Variants in SQSTM1 observed in about 807,000 individuals in gnomAD.
SQSTM1 encodes sequestosome-1.
A neutral mutation model predicts 45.1 loss-of-function variants in SQSTM1; 36 were observed. The observed-to-expected ratio is 0.80, with a 90% confidence interval of 0.61 to 1.05. SQSTM1 has a LOEUF of 1.05. Among genes scored for constraint, SQSTM1 ranks in the 50% least tolerant of loss-of-function variants. The pLI is 0.00. For synonymous variants in SQSTM1, 290 were observed against 244.3 expected (o/e 1.19, Z -1.74); for missense variants, 617 against 607.1 (o/e 1.02, Z -0.17).
intron 2 of SQSTM1, chr5:179,823,532 T>C: frequency 1.1e-5 from 4 of 368,594 alleles, no homozygotes; most frequent in Non-Finnish European, 2.0e-5. Context: ...ATGTTCACTC[T>C]AGGGATGGGG....
At chr5:179,834,241 GGGTGGGGGGT>G (rs1758395015) in intron 7 of SQSTM1, among the ~76,000 whole-genome samples, 1 of 103,140 alleles carries the variant, frequency 9.7e-6, no homozygotes. Context: ...AGCAGTGGGG[GGGTGGGGGGT>G]GGGGACAGCT....
intron 5 of SQSTM1, among the ~76,000 whole-genome samples, chr5:179,829,998 T>C (rs1408249090): frequency 6.6e-6 from 1 of 152,100 alleles, no homozygotes; most frequent in African/African-American, 2.4e-5. Flanking sequence ...TGGCCCCAGC[T>C]ACGTGGGAGG....
intron 1 of SQSTM1, among the ~76,000 whole-genome samples, chr5:179,807,170 GCGGGCGGCGGGGGC>G (rs1267695083): frequency 2.0e-5 from 3 of 151,646 alleles, no homozygotes; most frequent in African/African-American, 7.3e-5. Flanking sequence ...GGGGCGGGGG[GCGGGCGGCGGGGGC>G]GGCGCTCCGG....
chr5:179,832,425 C>T (rs1205628195), intron 5 of SQSTM1, among the ~76,000 whole-genome samples: 1 of 152,252 alleles, frequency 6.6e-6, no homozygotes, highest in South Asian at 2.1e-4. Context: ...TACGCAGCGC[C>T]TGCACGGCCC....
rs769882808 is a variant in SQSTM1 at position 179,837,225 on chromosome 5, CTAAT to C, written c.*636_*639del. On this transcript the variant is annotated 3_prime_UTR_variant, in exon 8 of 8. Transcript: ENST00000389805. ...CCATCCTGTTAAATTTGTAAACAATCTAATTAAATGGCATCAGCACTTTAACCAA... is the reference window on the plus strand; with the variant it reads ...CCATCCTGTTAAATTTGTAAACAATCTAAATGGCATCAGCACTTTAACCAA... The C allele has an allele frequency of 1.9e-6, 3 of 1,590,640 alleles. No homozygotes were observed. The highest frequency in any genetic ancestry group is 1.1e-5 in the South Asian group (1 of 90,314).
At chr5:179,814,011 TGTCTATCGGG>T (rs1177333895), upstream of SQSTM1, among the ~76,000 whole-genome samples, 1 of 152,198 alleles carries the variant, frequency 6.6e-6, no homozygotes, top group Non-Finnish European at 1.5e-5. Flanking sequence ...CGAATAAAAA[TGTCTATCGGG>T]GTGGTGGCGT....
intron 5 of SQSTM1, among the ~76,000 whole-genome samples, chr5:179,831,424 G>T (rs1356891201): frequency 6.6e-6 from 1 of 152,172 alleles, no homozygotes; most frequent in Admixed American, 6.5e-5. Flanking sequence ...CACTTTGGGA[G>T]GCCAAGGCAG....
At position 179,836,710 on chromosome 5, in the gene SQSTM1, G is replaced by A; in HGVS notation, c.*117G>A. On this transcript the variant is annotated 3_prime_UTR_variant, in exon 8 of 8. Coordinates refer to ENST00000389805, the MANE Select transcript of SQSTM1 (RefSeq NM_003900.5). ...TCTCTGCCTTCTTCCAGGATCAGGGGTTAGGGTGCAAGAAGCCATTTAGGG... is the reference window on the plus strand; with the variant it reads ...TCTCTGCCTTCTTCCAGGATCAGGGATTAGGGTGCAAGAAGCCATTTAGGG... 1 of 1,524,026 alleles carries A rather than the reference G, an allele frequency of 6.6e-7. No individual in the cohort carries two copies. Among genetic ancestry groups the A allele is most frequent in the South Asian group, 1.1e-5 (1 of 89,360 alleles). The allele number at this position is 1,524,026 out of a possible 1,614,324, so 94.4% of individuals were successfully genotyped here. A position where few individuals can be genotyped will look rare whatever the true frequency, so the allele number is the denominator to read the frequency against.
upstream of SQSTM1, among the ~76,000 whole-genome samples, chr5:179,819,716 G>A (rs146675813): frequency 9.0e-3 from 1,376 of 152,254 alleles, 11 homozygotes; most frequent in Admixed American, 0.017. Context: ...CTCCACCGCC[G>A]GATGCAGGGA....
chr5:179,806,591 G>C lies in SQSTM1; in HGVS notation c.-157G>C. On this transcript the variant is annotated splice_region_variant and 5_prime_UTR_variant, in exon 1 of 6. Transcript: ENST00000514093. This position sits in a 1 kb window ranked among gnomAD's most constrained non-coding sequence, Gnocchi z 4.6. Reference sequence around the variant, plus strand: ...GCCATTGCGGAGCCTCATCTCCTCGGGTGCGCGGCGGGCGCCCGCGGGGCC... The same window carrying C: ...GCCATTGCGGAGCCTCATCTCCTCGCGTGCGCGGCGGGCGCCCGCGGGGCC... 3 of 1,245,760 alleles carry C rather than the reference G, an allele frequency of 2.4e-6. No individual in the cohort carries two copies. The highest frequency in any genetic ancestry group is 2.1e-6 in the Non-Finnish European group (2 of 965,962). The allele number at this position is 1,245,760 out of a possible 1,614,324, so 77.2% of individuals were successfully genotyped here. A position where few individuals can be genotyped will look rare whatever the true frequency, so the allele number is the denominator to read the frequency against.
chr5:179,823,145 GA>G (rs1757847102), intron 2 of SQSTM1, 92 bp downstream of exon 2: 12 of 1,185,376 alleles, frequency 1.0e-5, no homozygotes, highest in Admixed American at 1.9e-5. Context: ...TTCCACCAAT[GA>G]AGGGGTCAGC....
At chr5:179,823,829 C>T (rs369958794) in intron 2 of SQSTM1, 29 bp from the exon 3 acceptor site, 33 of 1,606,090 alleles carry the variant, frequency 2.1e-5, no homozygotes, top group Middle Eastern at 2.2e-4. Flanking sequence ...GGGGTCCCAC[C>T]CTAGCGGCTC....
upstream of SQSTM1, among the ~76,000 whole-genome samples, chr5:179,816,877 C>T (rs572695470): frequency 1.3e-5 from 2 of 152,302 alleles, no homozygotes; most frequent in East Asian, 1.9e-4. Flanking sequence ...TCTCCGGCCA[C>T]CCGGTGACGG....
rs942801009 is a variant in SQSTM1 at position 179,806,953 on chromosome 5, G to C, written c.-157+362G>C. 3 of 150,944 alleles carry C rather than the reference G, an allele frequency of 2.0e-5. No homozygotes were observed. The highest frequency in any genetic ancestry group is 4.4e-5 in the Non-Finnish European group (3 of 67,630). The allele number at this position is 150,944 out of a possible 1,614,324, so 9.4% of individuals were successfully genotyped here. On this transcript the variant is annotated intron_variant, in intron 1 of 5. Coordinates refer to the SQSTM1 transcript ENST00000514093. The surrounding 1 kb of genome is among the most constrained non-coding windows in gnomAD (Gnocchi z 4.6). ...AGCCGCGGCCCGGCCTGGATCTGGG[G>C]CCTGGATCTGGGGCCGCCGCGGAGT...
At chr5:179,820,034 C>T, upstream of SQSTM1, 1 of 153,086 alleles carries the variant, frequency 6.5e-6, no homozygotes, top group Non-Finnish European at 1.5e-5. Context: ...CTCGTCCTGC[C>T]CCTCTCCTTG....
chr5:179,808,347 C>T (rs1206165219), intron 1 of SQSTM1: 1 of 152,226 alleles, frequency 6.6e-6, no homozygotes, highest in Admixed American at 6.5e-5. Context: ...GAGGGCTCCC[C>T]ACTCAGTGCT....
Position 179,837,805 on chromosome 5 carries a change from C to T in SQSTM1, c.*1212C>T, listed in dbSNP as rs914228872. The T allele has an allele frequency of 6.8e-6, 11 of 1,613,810 alleles. No individual in the cohort carries two copies. Among genetic ancestry groups the T allele is most frequent in the Non-Finnish European group, 9.3e-6 (11 of 1,180,048 alleles). On this transcript the variant is annotated 3_prime_UTR_variant, in exon 8 of 8. Transcript: ENST00000389805. Reference sequence around the variant, plus strand: ...GCTCCTTCCCAGGACCCCTCAGCTCCCCGGCACTGCAGTCTGCAGAGTTCT... The same window carrying T: ...GCTCCTTCCCAGGACCCCTCAGCTCTCCGGCACTGCAGTCTGCAGAGTTCT...
At position 179,837,247 on chromosome 5, in the gene SQSTM1, T is replaced by G; in HGVS notation, c.*654T>G. On this transcript the variant is annotated 3_prime_UTR_variant, in exon 8 of 8. Transcript: ENST00000389805. The stretch of plus-strand genomic sequence containing the variant: ...AATCTAATTAAATGGCATCAGCACT[T>G]TAACCAATGACGTTTGCATAGAGAG... 6.2e-7 allele frequency: 1 copy of G among 1,602,930 alleles called. No individual in the cohort carries two copies. Among genetic ancestry groups the G allele is most frequent in the South Asian group, 1.1e-5 (1 of 90,864 alleles).
At chr5:179,807,120 T>C (rs1757205352) in intron 1 of SQSTM1, among the ~76,000 whole-genome samples, 2 of 150,306 alleles carry the variant, frequency 1.3e-5, no homozygotes, top group South Asian at 4.2e-4. Flanking sequence ...CGAGTCGGCC[T>C]CAGGTAAGGC....
Sources: allele counts gnomAD v4.1 joint callset (sites outside exome capture counted in the v4.1 genomes callset), GRCh38; gene constraint gnomAD v4.1.1; non-coding constraint Gnocchi (gnomAD v3.1); transcripts MANE v1.5; gene names NCBI Gene and HGNC (gene_info 2026-07-23, HGNC 2026-07-21).